The following VPS39 variants were observed in gnomAD, a reference collection of about 807,000 sequenced individuals.
The protein encoded by VPS39 is vam6/Vps39-like protein.
VPS39 carries 70 observed loss-of-function variants against 121.0 expected under a neutral mutation model. The ratio of observed to expected loss-of-function variants is 0.58; its 90% confidence interval spans 0.48 to 0.71. The LOEUF is 0.71. VPS39 is among the 30% of genes least tolerant of loss of function. The probability of loss-of-function intolerance (pLI) is 0.00; values close to 1 mark genes in which losing one functional copy is unlikely to be tolerated. For synonymous variants in VPS39, 378 were observed against 398.1 expected, an observed-to-expected ratio of 0.95 and a Z score of 0.60; for missense variants, 818 against 1,051.5, an observed-to-expected ratio of 0.78 and a Z score of 3.07.
chr15:42,171,044 T>C (rs1007963145), intron 11 of VPS39, among the ~76,000 whole-genome samples: 11 of 152,250 alleles, frequency 7.2e-5, no homozygotes, highest in Non-Finnish European at 1.3e-4. Context: ...CACTCCCAGA[T>C]TGTAACAGCA....
intron 8 of VPS39, 71 bp from the exon 9 acceptor site, chr15:42,178,641 C>T (rs555136745): frequency 6.3e-7 from 1 of 1,587,900 alleles, no homozygotes; most frequent in African/African-American, 1.3e-5. Context: ...TTCAGCTGCC[C>T]ATTCTAAGAT....
intron 1 of VPS39, among the ~76,000 whole-genome samples, chr15:42,207,170 A>G (rs1362256056): frequency 6.6e-6 from 1 of 152,146 alleles, no homozygotes; most frequent in Non-Finnish European, 1.5e-5. Flanking sequence ...ATCAGACACC[A>G]CCAAGATTCC....
intron 1 of VPS39, among the ~76,000 whole-genome samples, chr15:42,204,487 TA>T (rs949538308): frequency 2.2e-4 from 33 of 152,058 alleles, no homozygotes; most frequent in African/African-American, 7.7e-4. Context: ...CCGTCTCTAC[TA>T]AAACTACAAA....
intron 2 of VPS39, among the ~76,000 whole-genome samples, chr15:42,195,869 C>G (rs1379042325): frequency 6.6e-6 from 1 of 152,178 alleles, no homozygotes; most frequent in Non-Finnish European, 1.5e-5. Context: ...CCAAGTCGAT[C>G]CTAAGCAAAA....
intron 7 of VPS39, among the ~76,000 whole-genome samples, chr15:42,185,982 C>CT (rs1315089487): frequency 6.6e-6 from 1 of 152,332 alleles, no homozygotes; most frequent in East Asian, 1.9e-4. Flanking sequence ...TTAAGTCCAG[C>CT]TTTTGCTCAG....
At chr15:42,203,404 G>C (rs2050106024) in intron 1 of VPS39, among the ~76,000 whole-genome samples, 1 of 152,014 alleles carries the variant, frequency 6.6e-6, no homozygotes, top group African/African-American at 2.4e-5. Context: ...AACCCCGGAG[G>C]GAGAGGCTGC....
In VPS39 at chr15:42,187,293, T is replaced by C; in HGVS notation, c.512A>G (p.Lys171Arg). The change falls in exon 7 of 25, where the codon AAG becomes AGG. Residue 171 changes from lysine to arginine, a missense_variant. Lys to Arg is a conservative substitution (Grantham distance 26). Transcript: ENST00000318006. ...WCENSICVGF[K>R]RDYYLIRVDG... The stretch of plus-strand genomic sequence containing the variant: ...TACCCTTATTAGGTAGTAGTCTCTC[T>C]TGAAACCCACACAGATAGAATTTTC... 6.2e-7 allele frequency: 1 copy of C among 1,612,758 alleles called. No individual in the cohort carries two copies. Among genetic ancestry groups the C allele is most frequent in the Non-Finnish European group, 8.5e-7 (1 of 1,179,700 alleles).
chr15:42,205,353 T>C (rs2050146642), intron 1 of VPS39, among the ~76,000 whole-genome samples: 1 of 152,174 alleles, frequency 6.6e-6, no homozygotes, highest in Non-Finnish European at 1.5e-5. Flanking sequence ...TTATATAGGA[T>C]ACACAGGGAA....
At chr15:42,163,429 T>A (rs2049178455) in intron 20 of VPS39, 34 bp from the exon 21 acceptor site, 1 of 1,613,326 alleles carries the variant, frequency 6.2e-7, no homozygotes, top group Admixed American at 1.7e-5. Context: ...GCAGGTGGTG[T>A]GAGGGGGGCA....
At chr15:42,183,473 A>G (rs903564568) in intron 8 of VPS39, among the ~76,000 whole-genome samples, 2 of 152,138 alleles carry the variant, frequency 1.3e-5, no homozygotes, top group African/African-American at 4.8e-5. Context: ...TCTCACGGAC[A>G]TCTACCAACT....
intron 5 of VPS39, among the ~76,000 whole-genome samples, chr15:42,188,624 C>T (rs896933152): frequency 2.4e-4 from 37 of 152,212 alleles, no homozygotes; most frequent in Admixed American, 2.0e-3. Flanking sequence ...GGAATGCAAA[C>T]GCTTCAACTT....
In VPS39 at chr15:42,190,517, T is replaced by C. The variant is rs1304792195; in HGVS notation, c.247+608A>G. On this transcript the variant is annotated intron_variant, in intron 4 of 24. Coordinates refer to ENST00000318006, the MANE Select transcript of VPS39 (RefSeq NM_015289.5). ...GTTTTTCACATGAGGGCCTCAACAG[T>C]GTAGCCCTGCTCTGTCTCTTACCTG... 2.2e-4 allele frequency among the ~76,000 whole-genome samples: 34 copies of C among 152,172 alleles called. 1 individual carries two copies. Among genetic ancestry groups the C allele is most frequent in the Non-Finnish European group, 1.0e-4 (7 of 68,028 alleles).
Position 42,173,746 on chromosome 15 carries a change from T to G in VPS39, c.1067A>C (p.Gln356Pro). The G allele has an allele frequency of 6.2e-7, 1 of 1,614,148 alleles. No homozygotes were observed. The highest frequency in any genetic ancestry group is 8.5e-7 in the Non-Finnish European group (1 of 1,179,970). The change falls in exon 11 of 25, where the codon CAG becomes CCG. Residue 356 changes from glutamine (Q) to proline (P), a missense_variant. By Grantham distance (76) the Gln-to-Pro change is moderately conservative. Transcript: ENST00000318006. ...FCQKRFDESM[Q>P]VFAKLGTDPT... is the part of the protein sequence containing the mutation. Reference sequence around the variant, plus strand: ...ACCTGTGCCAAGTTTAGCAAAGACCTGCATGGACTCATCAAAACGCTTCTG... The same window carrying G: ...ACCTGTGCCAAGTTTAGCAAAGACCGGCATGGACTCATCAAAACGCTTCTG...
At chr15:42,180,473 C>T (rs948652102) in intron 8 of VPS39, among the ~76,000 whole-genome samples, 6 of 152,174 alleles carry the variant, frequency 3.9e-5, no homozygotes, top group Non-Finnish European at 8.8e-5. Context: ...TGAAGCAGAA[C>T]AATTCCACAC....
intron 2 of VPS39, chr15:42,199,563 T>C (rs776424727): frequency 4.3e-6 from 2 of 464,804 alleles, no homozygotes. Flanking sequence ...AGGAAGCTTA[T>C]GCCCATTAGT....
chr15:42,186,328 C>A (rs371162613), intron 7 of VPS39, among the ~76,000 whole-genome samples: 1 of 151,860 alleles, frequency 6.6e-6, no homozygotes. Flanking sequence ...GGCATCTGGG[C>A]TACCTGGGAG....
In VPS39 at chr15:42,195,091, C is replaced by T. The variant is rs117852899; in HGVS notation, c.140-3531G>A. On this transcript the variant is annotated intron_variant, in intron 2 of 24. Transcript: ENST00000318006. ...AGGATGACAGCATGACTGAAATAAA[C>T]CTAGAGTTGTAAAGGCCTCAGACAT... Among the ~76,000 whole-genome samples the T allele has an allele frequency of 7.3e-3, 1,116 of 152,214 alleles. 4 individuals carry two copies. Among genetic ancestry groups the T allele is most frequent in the African/African-American group, 9.2e-3 (380 of 41,528 alleles).
At chr15:42,166,344 G>C in intron 15 of VPS39, 112 bp from the exon 16 acceptor site, 1 of 1,247,438 alleles carries the variant, frequency 8.0e-7, no homozygotes, top group Non-Finnish European at 1.1e-6. Flanking sequence ...GACAGCTCAA[G>C]CATGAGCCAC....
intron 8 of VPS39, chr15:42,184,102 G>A (rs1449978717): frequency 6.9e-6 from 1 of 145,534 alleles, no homozygotes; most frequent in Non-Finnish European, 1.5e-5. Context: ...CCTTCAACAT[G>A]GAATTACTAT....
Sources: allele counts gnomAD v4.1 joint callset (sites outside exome capture counted in the v4.1 genomes callset), GRCh38; gene constraint gnomAD v4.1.1; transcripts MANE v1.5; gene names NCBI Gene and HGNC (gene_info 2026-07-23, HGNC 2026-07-21).